The following NT5DC3 variants were observed in gnomAD, a reference collection of about 807,000 sequenced individuals.
The protein encoded by NT5DC3 is 5'-nucleotidase domain-containing protein 3.
Under a neutral mutation model 67.8 loss-of-function variants are expected in NT5DC3, and 42 were observed. That is an observed-to-expected ratio of 0.62 (90% CI 0.48 to 0.80). NT5DC3 has a LOEUF of 0.80. NT5DC3 is among the 30% of genes least tolerant of loss of function. The pLI is 0.00. For synonymous variants in NT5DC3, 237 were observed against 255.6 expected (o/e 0.93, Z 0.69); for missense variants, 570 against 696.4 (o/e 0.82, Z 2.04).
At chr12:103,766,069 C>T, downstream of NT5DC3, 1 of 683,226 alleles carries the variant, frequency 1.5e-6, no homozygotes, top group Non-Finnish European at 2.7e-6. Context: ...TTGTCTTGGG[C>T]CACCCAGCTT....
rs147491953 is a variant in NT5DC3 at position 103,789,261 on chromosome 12, T to C, written c.1020-342A>G. ...CAACATGATGAAACCCCATCTCTAC[T>C]AAAAATACAAAAATTAGCTGAGCAT... On this transcript the variant is annotated intron_variant, in intron 9 of 13. Transcript: ENST00000392876. 6.0e-4 allele frequency among the ~76,000 whole-genome samples: 92 copies of C among 152,146 alleles called. 1 individual carries two copies. In the East Asian group the frequency reaches 0.017, roughly 29 times the overall value.
intron 1 of NT5DC3, 69 bp downstream of exon 1, chr12:103,840,880 G>A: frequency 1.1e-6 from 1 of 950,524 alleles, no homozygotes; most frequent in Non-Finnish European, 1.4e-6. Flanking sequence ...GGGTCCTAGG[G>A]CGCCCGCTTC....
At chr12:103,750,539 A>G in the NT5DC3 span, 3 of 1,608,698 alleles carry the variant, frequency 1.9e-6, no homozygotes, top group South Asian at 2.2e-5. Context: ...GGGGTCCTAG[A>G]GAAGGAACTT....
At chr12:103,761,497 C>T in the NT5DC3 span, 9 of 1,195,950 alleles carry the variant, frequency 7.5e-6, no homozygotes, top group Non-Finnish European at 9.8e-6. Context: ...AAGCCCTGTC[C>T]TCCTCCCTCT....
chr12:103,790,240 G>A (rs186912503), intron 9 of NT5DC3, among the ~76,000 whole-genome samples: 1 of 152,178 alleles, frequency 6.6e-6, no homozygotes, highest in Admixed American at 6.5e-5. Flanking sequence ...AAATAGCTGG[G>A]ACTGCAAGCA....
intron 2 of NT5DC3, among the ~76,000 whole-genome samples, chr12:103,808,340 G>A (rs1886890996): frequency 6.6e-6 from 1 of 152,200 alleles, no homozygotes; most frequent in African/African-American, 2.4e-5. Flanking sequence ...CTGCAGGACA[G>A]AACATCTATT....
chr12:103,828,676 C>T (rs1887792659), intron 1 of NT5DC3, among the ~76,000 whole-genome samples: 1 of 151,532 alleles, frequency 6.6e-6, no homozygotes, highest in South Asian at 2.1e-4. Flanking sequence ...GTGTTTACCA[C>T]TCTCCTGCAT....
intron 1 of NT5DC3, among the ~76,000 whole-genome samples, chr12:103,830,993 G>C (rs983920482): frequency 6.6e-6 from 1 of 152,114 alleles, no homozygotes; most frequent in African/African-American, 2.4e-5. Context: ...CTGGGTTTAC[G>C]GTCTATTTAT....
intron 12 of NT5DC3, among the ~76,000 whole-genome samples, chr12:103,781,442 G>A (rs1459660262): frequency 6.6e-6 from 1 of 152,198 alleles, no homozygotes; most frequent in Non-Finnish European, 1.5e-5. Context: ...GCCTTCACTC[G>A]GCCACCCTTC....
At chr12:103,827,701 TA>T (rs1947523230) in intron 1 of NT5DC3, among the ~76,000 whole-genome samples, 1 of 152,212 alleles carries the variant, frequency 6.6e-6, no homozygotes, top group African/African-American at 2.4e-5. Context: ...ACCAATCCTT[TA>T]AAGTATAAAA....
At chr12:103,793,579 A>T in intron 7 of NT5DC3, 67 bp from the exon 8 acceptor site, 1 of 1,177,128 alleles carries the variant, frequency 8.5e-7, no homozygotes. Flanking sequence ...AGTACTTTCT[A>T]AATGGGGGTT....
At chr12:103,786,915 T>C (rs1270163634) in intron 11 of NT5DC3, among the ~76,000 whole-genome samples, 1 of 152,102 alleles carries the variant, frequency 6.6e-6, no homozygotes, top group African/African-American at 2.4e-5. Flanking sequence ...ACTCCTGAGC[T>C]TAAGTAATCC....
rs1293083139 is a variant in NT5DC3, at chr12:103,787,533, A to G, written c.1102-6T>C. 1 of 1,502,468 alleles carries G rather than the reference A, an allele frequency of 6.7e-7. No homozygotes were observed. Among genetic ancestry groups the G allele is most frequent in the African/African-American group, 1.4e-5 (1 of 72,552 alleles). 93.1% of individuals were successfully genotyped at this position (1,502,468 alleles called of 1,614,324 possible). On this transcript the variant is annotated splice_polypyrimidine_tract_variant and splice_region_variant and intron_variant, in intron 10 of 13. Transcript: ENST00000392876. ...AAAAATTCATATAAATTACCCTGTA[A>G]TCAGAGAAAACTATAGTTATTATTA...
downstream of NT5DC3, chr12:103,765,898 T>TG (rs1446087364): frequency 5.6e-6 from 2 of 356,116 alleles, no homozygotes; most frequent in Non-Finnish European, 1.1e-5. Flanking sequence ...TGGTTCAAGA[T>TG]GAATTTTCAA....
intron 9 of NT5DC3, among the ~76,000 whole-genome samples, chr12:103,790,466 G>C (rs1885996176): frequency 6.6e-6 from 1 of 151,728 alleles, no homozygotes; most frequent in African/African-American, 2.4e-5. Context: ...AGTAGAAATG[G>C]GATTTCACCA....
intron 13 of NT5DC3, among the ~76,000 whole-genome samples, chr12:103,778,549 A>G (rs1201837645): frequency 6.6e-6 from 1 of 151,970 alleles, no homozygotes; most frequent in Non-Finnish European, 1.5e-5. Context: ...AAAAACAAAC[A>G]AACAAAAAAA....
At chr12:103,806,728 T>C in intron 3 of NT5DC3, 127 bp downstream of exon 3, 1 of 633,132 alleles carries the variant, frequency 1.6e-6, no homozygotes, top group Non-Finnish European at 2.8e-6. Flanking sequence ...TGTGAATAAA[T>C]TTGGTTCTGC....
chr12:103,795,442 G>T (rs1263192363), intron 6 of NT5DC3, among the ~76,000 whole-genome samples: 1 of 152,046 alleles, frequency 6.6e-6, no homozygotes, highest in Non-Finnish European at 1.5e-5. Context: ...GCACAAGGCT[G>T]CTACAAGTGA....
the NT5DC3 span, among the ~76,000 whole-genome samples, chr12:103,748,621 CA>C: frequency 2.0e-5 from 1 of 50,656 alleles, no homozygotes; most frequent in Non-Finnish European, 4.1e-5. Flanking sequence ...CACACACACA[CA>C]CACACACACA....
Sources: gnomAD v4.1 joint callset for allele counts (sites outside exome capture counted in the v4.1 genomes callset) on GRCh38, gnomAD v4.1.1 for gene constraint, MANE v1.5 for transcripts, NCBI Gene and HGNC (gene_info 2026-07-23, HGNC 2026-07-21) for gene names.